Variants in VTI1A observed in about 807,000 individuals in gnomAD.
The protein encoded by VTI1A is vesicle transport through interaction with t-SNAREs 1A.
In VTI1A, 22 loss-of-function variants were observed where a neutral mutation model predicts 34.9. The ratio of observed to expected loss-of-function variants is 0.63; its 90% confidence interval spans 0.45 to 0.90. The LOEUF (loss-of-function observed/expected upper bound fraction) is 0.90, where lower values mean the gene tolerates loss of function less well. Among genes scored for constraint, VTI1A ranks in the 40% least tolerant of loss-of-function variants. The pLI is 0.00. For synonymous variants in VTI1A, 87 were observed against 97.3 expected (o/e 0.89, Z 0.62); for missense variants, 268 against 275.6 (o/e 0.97, Z 0.20).
At chr10:112,648,104 A>T (rs767256267) in intron 5 of VTI1A, among the ~76,000 whole-genome samples, 1 of 152,200 alleles carries the variant, frequency 6.6e-6, no homozygotes, top group Non-Finnish European at 1.5e-5. Context: ...GAGATCATCT[A>T]TGTGGAAATT....
chr10:112,783,845 C>T (rs1852206737), intron 7 of VTI1A, among the ~76,000 whole-genome samples: 1 of 152,176 alleles, frequency 6.6e-6, no homozygotes, highest in Non-Finnish European at 1.5e-5. Context: ...TCCCGGTCCC[C>T]AGAGTCCGGG....
chr10:112,537,544 A>G (rs911369800), intron 4 of VTI1A, among the ~76,000 whole-genome samples: 23 of 152,032 alleles, frequency 1.5e-4, no homozygotes, highest in Non-Finnish European at 3.2e-4. Context: ...ATATATAATT[A>G]CTGTAAATTT....
chr10:112,447,091 A>C, upstream of VTI1A: 1 of 451,778 alleles, frequency 2.2e-6, no homozygotes, highest in Non-Finnish European at 4.1e-6. Flanking sequence ...GCATATTTTC[A>C]TACGCTTTTC....
intron 7 of VTI1A, among the ~76,000 whole-genome samples, chr10:112,761,770 C>G (rs921182198): frequency 1.9e-4 from 28 of 145,930 alleles, no homozygotes; most frequent in East Asian, 8.0e-4. Context: ...CTTTCTTTCT[C>G]TGTGTGTGTG....
chr10:112,734,751 C>T (rs1256984528), intron 7 of VTI1A, among the ~76,000 whole-genome samples: 1 of 151,356 alleles, frequency 6.6e-6, no homozygotes, highest in Non-Finnish European at 1.5e-5. Flanking sequence ...CTCCCAGGTT[C>T]AAGACATTCT....
At chr10:112,677,262 G>A (rs984310714) in intron 7 of VTI1A, among the ~76,000 whole-genome samples, 3 of 152,108 alleles carry the variant, frequency 2.0e-5, no homozygotes, top group African/African-American at 7.2e-5. Context: ...TATTCCAAAT[G>A]AGCTTTTGTC....
At chr10:112,668,042 AATAG>A (rs2133834586) in intron 5 of VTI1A, among the ~76,000 whole-genome samples, 172 bp from the exon 6 acceptor site, 1 of 152,172 alleles carries the variant, frequency 6.6e-6, no homozygotes, top group East Asian at 1.9e-4. Context: ...GCCTAAGATA[AATAG>A]ATAAATTTAT....
chr10:112,630,275 T>A (rs750365177), intron 5 of VTI1A, among the ~76,000 whole-genome samples: 1 of 152,188 alleles, frequency 6.6e-6, no homozygotes, highest in Non-Finnish European at 1.5e-5. Context: ...AAGAAAATCC[T>A]CACTCTGAAA....
intron 7 of VTI1A, among the ~76,000 whole-genome samples, chr10:112,733,749 T>TTTTAC (rs1850355343): frequency 2.7e-5 from 4 of 148,300 alleles, no homozygotes; most frequent in Admixed American, 2.7e-4. Context: ...TTTTATTTTA[T>TTTTAC]TTTATTTTAT....
intron 5 of VTI1A, among the ~76,000 whole-genome samples, chr10:112,570,370 T>C (rs867123040): frequency 6.6e-6 from 1 of 151,846 alleles, no homozygotes; most frequent in African/African-American, 2.4e-5. Flanking sequence ...GAAAAAAAAA[T>C]TGAAAGAAAG....
intron 5 of VTI1A, among the ~76,000 whole-genome samples, chr10:112,558,749 ACTCT>A (rs1367161848): frequency 1.3e-5 from 2 of 152,188 alleles, no homozygotes; most frequent in East Asian, 1.9e-4. Context: ...AGAGACACAC[ACTCT>A]CTCTCGATTT....
the VTI1A span, among the ~76,000 whole-genome samples, chr10:112,829,013 G>A: frequency 6.6e-6 from 1 of 152,128 alleles, no homozygotes; most frequent in African/African-American, 2.4e-5. Flanking sequence ...AACTGCTGTA[G>A]GAGTTCAGTC....
rs189177398 is a variant in VTI1A at position 112,591,218 on chromosome 10, T to C, written c.427+52888T>C. Among the ~76,000 whole-genome samples the C allele has an allele frequency of 6.4e-4, 98 of 152,162 alleles. No homozygotes were observed. The East Asian group carries it at 0.016, about 25-fold the overall frequency. On this transcript the variant is annotated intron_variant, in intron 5 of 7. Coordinates refer to ENST00000393077, the MANE Select transcript of VTI1A (RefSeq NM_145206.4). ...AGCCTCTCTGTTGGGTACTCAGGTT[T>C]ATGTTAGAAGAGATACTGTTGACCG...
At chr10:112,691,263 A>AAATT (rs1848603963) in intron 7 of VTI1A, among the ~76,000 whole-genome samples, 1 of 10,476 alleles carries the variant, frequency 9.5e-5, no homozygotes, top group East Asian at 0.012. Context: ...TCTGCCTCAA[A>AAATT]AATAAATAAA....
intron 5 of VTI1A, among the ~76,000 whole-genome samples, chr10:112,595,777 A>G (rs995053552): frequency 1.3e-5 from 2 of 151,300 alleles, no homozygotes; most frequent in Admixed American, 1.3e-4. Context: ...ATCTAGAACT[A>G]GAAATACCAT....
At chr10:112,562,948 C>T (rs1851777324) in intron 5 of VTI1A, among the ~76,000 whole-genome samples, 1 of 152,120 alleles carries the variant, frequency 6.6e-6, no homozygotes, top group Non-Finnish European at 1.5e-5. Flanking sequence ...GCCCCCATAT[C>T]TACCTTCTCC....
At chr10:112,745,165 T>C (rs1850849449) in intron 7 of VTI1A, among the ~76,000 whole-genome samples, 1 of 152,224 alleles carries the variant, frequency 6.6e-6, no homozygotes, top group African/African-American at 2.4e-5. Flanking sequence ...ATAATTATTT[T>C]ATGACTTTTT....
chr10:112,747,687 C>A (rs1342916035), intron 7 of VTI1A, among the ~76,000 whole-genome samples: 1 of 152,158 alleles, frequency 6.6e-6, no homozygotes. Context: ...TTGATACATG[C>A]TTGATTCTTC....
chr10:112,779,952 A>G (rs375491394), intron 7 of VTI1A, among the ~76,000 whole-genome samples: 2 of 151,898 alleles, frequency 1.3e-5, no homozygotes, highest in South Asian at 2.1e-4. Flanking sequence ...GTTACAAGCT[A>G]TTTGTTACTT....
Sources: allele counts gnomAD v4.1 joint callset (sites outside exome capture counted in the v4.1 genomes callset), GRCh38; gene constraint gnomAD v4.1.1; transcripts MANE v1.5; gene names NCBI Gene and HGNC (gene_info 2026-07-23, HGNC 2026-07-21).